Variants in NRG1 observed in about 807,000 individuals in gnomAD.
The protein encoded by NRG1 is pro-neuregulin-1, membrane-bound isoform.
A neutral mutation model predicts 63.8 loss-of-function variants in NRG1; 18 were observed. That is an observed-to-expected ratio of 0.28 (90% confidence interval 0.19 to 0.42). The LOEUF (loss-of-function observed/expected upper bound fraction) is 0.42, where lower values mean the gene tolerates loss of function less well. NRG1 is among the 10% of genes least tolerant of loss of function. The pLI, the probability that NRG1 is intolerant of heterozygous loss-of-function variation, is 1.00. For missense variants in NRG1, 762 were observed against 814.7 expected, an observed-to-expected ratio of 0.94 and a Z score of 0.79; for synonymous variants, 302 against 301.3, an observed-to-expected ratio of 1.00 and a Z score of -0.02.
At position 32,253,284 on chromosome 8, in the gene NRG1, T is replaced by A. The variant is rs144733838; in HGVS notation, c.38-342544T>A. Among the ~76,000 whole-genome samples, 411 of 151,098 alleles carry A rather than the reference T, an allele frequency of 2.7e-3. 3 individuals carry two copies. The highest frequency in any genetic ancestry group is 9.8e-3 in the African/African-American group (404 of 41,384). ...TCCTTGTCTTGTGCCAGTTTTCAAA[T>A]GCTTCCTGTTTTTGCCTATTCAGTA... On this transcript the variant is annotated intron_variant, in intron 1 of 10. Coordinates refer to the NRG1 transcript ENST00000519301.
In NRG1 at chr8:31,745,015, C is replaced by G. The variant is rs116483756; in HGVS notation, c.37+105584C>G. The stretch of plus-strand genomic sequence containing the variant: ...CACAGTAGGAATGAAAAGGGTGGGA[C>G]GATTATGATATAACTAACTCAATTT... On this transcript the variant is annotated intron_variant, in intron 1 of 10. Coordinates refer to the NRG1 transcript ENST00000519301. Among the ~76,000 whole-genome samples, 676 of 151,698 alleles carry G rather than the reference C, an allele frequency of 4.5e-3. 6 individuals are homozygous for G. The highest frequency in any genetic ancestry group is 0.016 in the African/African-American group (646 of 41,394).
chr8:32,218,096 A>T (rs1440522355), intron 1 of NRG1, among the ~76,000 whole-genome samples: 1 of 152,230 alleles, frequency 6.6e-6, no homozygotes, highest in African/African-American at 2.4e-5. Flanking sequence ...TCTTAAACAA[A>T]ATAGTGGCGA....
At chr8:32,715,881 A>G (rs1167172177) in intron 5 of NRG1, among the ~76,000 whole-genome samples, 1 of 152,146 alleles carries the variant, frequency 6.6e-6, no homozygotes, top group African/African-American at 2.4e-5. Flanking sequence ...GAACCTTGTG[A>G]TCTGCCTGCC....
intron 1 of NRG1, among the ~76,000 whole-genome samples, chr8:32,387,349 T>C (rs1811147622): frequency 6.6e-6 from 1 of 152,186 alleles, no homozygotes; most frequent in Non-Finnish European, 1.5e-5. Context: ...TTGAAAGCCT[T>C]TGCATTCTAA....
Position 32,680,266 on chromosome 8 carries a change from A to T in NRG1, c.503-47683A>T, listed in dbSNP as rs370313705. On this transcript the variant is annotated intron_variant, in intron 5 of 11. Coordinates refer to ENST00000356819, the Ensembl canonical transcript of NRG1. ...TAAGGCACATTAACCATTAATATAG[A>T]TCTAGGGTGACCAATTGCCCCTGTT... is the stretch of plus-strand genomic sequence containing the variant. Among the ~76,000 whole-genome samples, 56 of 152,248 alleles carry T rather than the reference A, an allele frequency of 3.7e-4. 2 individuals are homozygous for T. In the East Asian group the frequency reaches 8.9e-3, roughly 24 times the overall value.
chr8:32,523,392 A>G (rs1830520385), intron 1 of NRG1, among the ~76,000 whole-genome samples: 1 of 152,162 alleles, frequency 6.6e-6, no homozygotes, highest in South Asian at 2.1e-4. Flanking sequence ...GGGAAAATAT[A>G]TTTTTCATAA....
intron 1 of NRG1, among the ~76,000 whole-genome samples, chr8:32,117,276 C>T (rs534029141): frequency 4.6e-5 from 7 of 152,282 alleles, no homozygotes; most frequent in Non-Finnish European, 8.8e-5. Context: ...ATGACTATTT[C>T]ACGCAGATAT....
chr8:32,190,116 G>A (rs4733115), intron 1 of NRG1, among the ~76,000 whole-genome samples: 124,789 of 151,846 alleles, frequency 0.82, 51,867 homozygotes, highest in African/African-American at 0.93. Context: ...TGACTGTATC[G>A]TCATGTTCCT....
At chr8:32,263,499 G>A (rs547158727) in intron 1 of NRG1, among the ~76,000 whole-genome samples, 1 of 152,158 alleles carries the variant, frequency 6.6e-6, no homozygotes, top group South Asian at 2.1e-4. Context: ...TGTCAGACCC[G>A]CACTTTTTGT....
At chr8:31,947,963 A>AAAC (rs1563604175) in intron 1 of NRG1, among the ~76,000 whole-genome samples, 1 of 150,674 alleles carries the variant, frequency 6.6e-6, no homozygotes, top group African/African-American at 2.4e-5. Flanking sequence ...AAAAAAAAAA[A>AAAC]AAAAAAAAAC....
intron 1 of NRG1, among the ~76,000 whole-genome samples, chr8:32,066,235 G>A (rs1250606253): frequency 6.6e-6 from 1 of 152,122 alleles, no homozygotes; most frequent in African/African-American, 2.4e-5. Flanking sequence ...CATTGCTTCT[G>A]GTGTTTTAGA....
At chr8:32,751,863 T>A (rs1357625301) in intron 7 of NRG1, among the ~76,000 whole-genome samples, 3 of 151,456 alleles carry the variant, frequency 2.0e-5, no homozygotes, top group Non-Finnish European at 2.9e-5. Context: ...AATCTATTCT[T>A]CTGTAATTAA....
At chr8:32,239,109 C>A (rs543226026) in intron 1 of NRG1, among the ~76,000 whole-genome samples, 5 of 152,230 alleles carry the variant, frequency 3.3e-5, no homozygotes, top group East Asian at 1.9e-4. Flanking sequence ...TACTCTAAAT[C>A]TGATGAAACA....
chr8:32,537,062 G>A lies in NRG1; in HGVS notation c.38-58766G>A, dbSNP rs567682805. ...TCTACTAAAAATACAAAAATTGGCC[G>A]GGTGTAGTGGCGCATGCCAGCTACT... On this transcript the variant is annotated intron_variant, in intron 1 of 10. Coordinates refer to the NRG1 transcript ENST00000519301. Among the ~76,000 whole-genome samples, 147 of 150,842 alleles carry A rather than the reference G, an allele frequency of 9.7e-4. 1 individual carries two copies. The highest frequency in any genetic ancestry group is 3.4e-3 in the African/African-American group (140 of 41,152).
chr8:32,129,608 G>A (rs909292067), intron 1 of NRG1, among the ~76,000 whole-genome samples: 2 of 151,868 alleles, frequency 1.3e-5, no homozygotes, highest in Non-Finnish European at 1.5e-5. Context: ...TGGAGGTTAG[G>A]ACTTTAACAT....
At chr8:31,948,958 T>C (rs1803047738) in intron 1 of NRG1, among the ~76,000 whole-genome samples, 1 of 152,212 alleles carries the variant, frequency 6.6e-6, no homozygotes, top group African/African-American at 2.4e-5. Context: ...CCTGTCTTGA[T>C]TTAATTCAAT....
chr8:32,155,448 A>G (rs556618709), intron 1 of NRG1, among the ~76,000 whole-genome samples: 14 of 152,194 alleles, frequency 9.2e-5, no homozygotes, highest in Non-Finnish European at 1.6e-4. Flanking sequence ...ACATTCCCCT[A>G]TTTTCCCAGC....
At chr8:32,211,089 C>T (rs1416351046) in intron 1 of NRG1, among the ~76,000 whole-genome samples, 6 of 152,142 alleles carry the variant, frequency 3.9e-5, no homozygotes, top group South Asian at 2.1e-4. Context: ...TCTCTCTAAT[C>T]GCATTTCTCA....
intron 1 of NRG1, among the ~76,000 whole-genome samples, chr8:32,485,964 A>C (rs1413081514): frequency 6.6e-6 from 1 of 151,732 alleles, no homozygotes. Flanking sequence ...TTTCACTCTT[A>C]TTGCCCAGGT....
Sources: allele counts gnomAD v4.1 joint callset (sites outside exome capture counted in the v4.1 genomes callset), GRCh38; gene constraint gnomAD v4.1.1; transcripts MANE v1.5; gene names NCBI Gene and HGNC (gene_info 2026-07-23, HGNC 2026-07-21).